Variants in DRD2 observed in about 807,000 individuals in gnomAD.
The protein encoded by DRD2 is D(2) dopamine receptor.
DRD2 carries 8 observed loss-of-function variants against 38.0 expected under a neutral mutation model. The observed-to-expected ratio is 0.21, with a 90% CI of 0.12 to 0.38. The LOEUF (loss-of-function observed/expected upper bound fraction) is 0.38, where lower values mean the gene tolerates loss of function less well. DRD2 is among the 10% of genes least tolerant of loss of function. DRD2 has a pLI of 1.00. For synonymous variants in DRD2, 230 were observed against 238.6 expected (o/e 0.96, Z 0.33); for missense variants, 403 against 607.7 (o/e 0.66, Z 3.54).
rs751948974 is a variant in DRD2 at position 113,412,822 on chromosome 11, T to G, written c.872A>C (p.Glu291Ala). The G allele has an allele frequency of 8.1e-6, 13 of 1,613,370 alleles. No individual in the cohort carries two copies. The highest frequency in any genetic ancestry group is 1.1e-5 in the Non-Finnish European group (13 of 1,179,766). The stretch of plus-strand genomic sequence containing the variant: ...TGGGATGGGGCTGTACCGGGTCCTC[T>G]CGGGTGGGCTGGTGCTGGAGAGCAT... ...MEMLSSTSPP[E>A]RTRYSPIPPS... is the part of the protein sequence containing the mutation. Residue 291 changes from glutamate (E) to alanine (A), a missense_variant, in exon 7 of 8, where the codon GAG becomes GCG. By Grantham distance (107) the Glu-to-Ala change is moderately radical. Transcript: ENST00000362072.
intron 1 of DRD2, among the ~76,000 whole-genome samples, chr11:113,427,465 A>C (rs1950950594): frequency 1.3e-5 from 2 of 152,126 alleles, no homozygotes. Context: ...TGGGGTGTAG[A>C]CATCACAAGA....
At chr11:113,444,369 G>A (rs1394729354) in intron 1 of DRD2, among the ~76,000 whole-genome samples, 3 of 152,182 alleles carry the variant, frequency 2.0e-5, no homozygotes, top group Admixed American at 1.3e-4. Context: ...CCCAAGATAT[G>A]AACAGAACGT....
At chr11:113,419,446 GCACACACACA>G (rs3060174) in intron 2 of DRD2, among the ~76,000 whole-genome samples, 1 of 133,304 alleles carries the variant, frequency 7.5e-6, no homozygotes, top group Non-Finnish European at 1.5e-5. Context: ...ATGCACACAG[GCACACACACA>G]CACACACACA....
intron 1 of DRD2, among the ~76,000 whole-genome samples, chr11:113,453,730 G>T (rs1239416027): frequency 6.6e-6 from 1 of 152,214 alleles, no homozygotes; most frequent in Non-Finnish European, 1.5e-5. Flanking sequence ...CACGGAAGGG[G>T]TTGTCCCCCC....
At chr11:113,469,536 G>A (rs1376410578) in intron 1 of DRD2, among the ~76,000 whole-genome samples, 2 of 152,160 alleles carry the variant, frequency 1.3e-5, no homozygotes, top group African/African-American at 4.8e-5. Context: ...GTGACCTTGT[G>A]CAAACCACTT....
chr11:113,443,941 TA>T (rs1303361138), intron 1 of DRD2, among the ~76,000 whole-genome samples: 4 of 151,988 alleles, frequency 2.6e-5, no homozygotes, highest in East Asian at 3.9e-4. Flanking sequence ...AAAATAAAAC[TA>T]AAAAAAACTG....
At chr11:113,438,167 G>C (rs1305785733) in intron 1 of DRD2, among the ~76,000 whole-genome samples, 3 of 152,106 alleles carry the variant, frequency 2.0e-5, no homozygotes, top group Non-Finnish European at 4.4e-5. Flanking sequence ...AATTGAAGAA[G>C]GTGTGTCAAT....
intron 1 of DRD2, among the ~76,000 whole-genome samples, chr11:113,439,085 T>C (rs1951063504): frequency 6.6e-6 from 1 of 152,228 alleles, no homozygotes; most frequent in African/African-American, 2.4e-5. Context: ...ATGTAGTGTA[T>C]TATTATCGTC....
At position 113,421,789 on chromosome 11, in the gene DRD2, C is replaced by G. The variant is rs549645665; in HGVS notation, c.285+2578G>C. ...GACATCAGGGCAGGGTGAGACGTCA[C>G]CTGGGACGTTCTCTAGGGACAACAA... On this transcript the variant is annotated intron_variant, in intron 2 of 7. Coordinates refer to ENST00000362072, the MANE Select transcript of DRD2 (RefSeq NM_000795.4). Among the ~76,000 whole-genome samples the G allele has an allele frequency of 1.2e-4, 19 of 152,222 alleles. No homozygotes were observed. The South Asian group carries it at 3.9e-3, about 32-fold the overall frequency.
rs201093886 is a variant in DRD2, at chr11:113,410,781, G to A, written c.1278C>T (p.Tyr426=). 59 of 1,614,124 alleles carry A rather than the reference G, an allele frequency of 3.7e-5. No individual in the cohort carries two copies. Among genetic ancestry groups the A allele is most frequent in the Non-Finnish European group, 1.7e-5 (20 of 1,180,046 alleles). The change falls in exon 8 of 8, where the codon TAC becomes TAT. Residue 426 remains tyrosine, a synonymous_variant. Coordinates refer to ENST00000362072, the MANE Select transcript of DRD2 (RefSeq NM_000795.4). ...YVNSAVNPII[Y]TTFNIEFRKA... is the part of the protein sequence containing the mutation. ...TGCGGAACTCAATGTTGAAGGTGGTGTAGATGATGGGGTTCACGGCGCTGT... is the reference window on the plus strand; with the variant it reads ...TGCGGAACTCAATGTTGAAGGTGGTATAGATGATGGGGTTCACGGCGCTGT...
At chr11:113,412,532 G>A in intron 7 of DRD2, 24 bp downstream of exon 7, 1 of 1,608,460 alleles carries the variant, frequency 6.2e-7, no homozygotes, top group Middle Eastern at 1.6e-4. Context: ...ACCGGGCTGT[G>A]GCCAGCAGCC....
At chr11:113,438,167 G>A (rs1305785733) in intron 1 of DRD2, among the ~76,000 whole-genome samples, 1 of 152,106 alleles carries the variant, frequency 6.6e-6, no homozygotes, top group Non-Finnish European at 1.5e-5. Context: ...AATTGAAGAA[G>A]GTGTGTCAAT....
At chr11:113,420,341 C>G (rs1316028146) in intron 2 of DRD2, among the ~76,000 whole-genome samples, 1 of 152,194 alleles carries the variant, frequency 6.6e-6, no homozygotes, top group Non-Finnish European at 1.5e-5. Context: ...CATCTTAAAT[C>G]TCTCCTTGCA....
At chr11:113,467,217 C>T (rs569176338) in intron 1 of DRD2, among the ~76,000 whole-genome samples, 19 of 152,292 alleles carry the variant, frequency 1.2e-4, no homozygotes, top group Non-Finnish European at 2.8e-4. Context: ...GAACAGAATA[C>T]CTACAGTGCC....
intron 1 of DRD2, among the ~76,000 whole-genome samples, chr11:113,437,197 T>C (rs1358284108): frequency 3.9e-5 from 6 of 152,142 alleles, no homozygotes; most frequent in Non-Finnish European, 8.8e-5. Flanking sequence ...ATAGCAGCCC[T>C]GTGAGATTAG....
At chr11:113,430,930 ATTC>A (rs1253839475) in intron 1 of DRD2, among the ~76,000 whole-genome samples, 1 of 152,200 alleles carries the variant, frequency 6.6e-6, no homozygotes, top group Admixed American at 6.5e-5. Context: ...AAGGTGCATT[ATTC>A]TTACATGAGA....
At chr11:113,416,819 G>T (rs779932957) in intron 4 of DRD2, 44 bp downstream of exon 4, 1 of 1,607,322 alleles carries the variant, frequency 6.2e-7, no homozygotes, top group Non-Finnish European at 8.5e-7. Context: ...GGGAGCAGGG[G>T]CCCAGGGCCA....
At chr11:113,414,544 A>G in intron 5 of DRD2, 83 bp from the exon 6 acceptor site, 1 of 1,434,318 alleles carries the variant, frequency 7.0e-7, no homozygotes, top group Non-Finnish European at 9.8e-7. Context: ...CAGTCCATGG[A>G]ACTCAGACTG....
chr11:113,437,318 G>A (rs939862232), intron 1 of DRD2, among the ~76,000 whole-genome samples: 3 of 152,166 alleles, frequency 2.0e-5, no homozygotes, highest in Admixed American at 2.0e-4. Context: ...TATGGATCTA[G>A]GGTACGAAGA....
Sources: gnomAD v4.1 joint callset for allele counts (sites outside exome capture counted in the v4.1 genomes callset) on GRCh38, gnomAD v4.1.1 for gene constraint, MANE v1.5 for transcripts, NCBI Gene and HGNC (gene_info 2026-07-23, HGNC 2026-07-21) for gene names.